NKAIN3: variants seen among roughly 807,000 people sequenced by gnomAD.
NKAIN3 encodes the protein sodium/potassium transporting ATPase interacting 3, also known as sodium/potassium-transporting ATPase subunit beta-1-interacting protein 3.
Under a neutral mutation model 30.2 loss-of-function variants are expected in NKAIN3, and 25 were observed. The ratio of observed to expected loss-of-function variants is 0.83; its 90% CI spans 0.60 to 1.16. The LOEUF (loss-of-function observed/expected upper bound fraction) is 1.16, where lower values mean the gene tolerates loss of function less well. NKAIN3 is among the 50% of genes most tolerant of loss of function. NKAIN3 has a pLI of 0.00. For synonymous variants in NKAIN3, 91 were observed against 89.6 expected (o/e 1.02, Z -0.09); for missense variants, 225 against 254.1 (o/e 0.89, Z 0.78).
At chr8:62,555,098 C>T (rs1374093527) in intron 1 of NKAIN3, among the ~76,000 whole-genome samples, 1 of 151,076 alleles carries the variant, frequency 6.6e-6, no homozygotes, top group Non-Finnish European at 1.5e-5. Context: ...TTTTGCTTGA[C>T]TGTAGTAATT....
intron 4 of NKAIN3, among the ~76,000 whole-genome samples, chr8:62,786,330 G>A (rs1389694780): frequency 1.3e-5 from 2 of 152,020 alleles, no homozygotes; most frequent in Non-Finnish European, 2.9e-5. Flanking sequence ...CCCATCTGGG[G>A]TAATATTTTT....
chr8:62,678,802 G>A (rs1196054197), intron 3 of NKAIN3, among the ~76,000 whole-genome samples: 1 of 151,518 alleles, frequency 6.6e-6, no homozygotes, highest in East Asian at 1.9e-4. Flanking sequence ...ATTAACCTAG[G>A]TATATAGATT....
At chr8:62,603,179 C>T (rs1419162933) in intron 3 of NKAIN3, among the ~76,000 whole-genome samples, 5 of 152,148 alleles carry the variant, frequency 3.3e-5, no homozygotes, top group East Asian at 1.9e-4. Flanking sequence ...TGATTTGCTT[C>T]GAATGCAAAA....
At chr8:62,293,254 G>T (rs777896569) in intron 1 of NKAIN3, among the ~76,000 whole-genome samples, 2 of 152,072 alleles carry the variant, frequency 1.3e-5, no homozygotes, top group Non-Finnish European at 2.9e-5. Flanking sequence ...GTCATTCTCC[G>T]TCCAGCTTTG....
At chr8:62,479,907 G>T (rs777128606) in intron 1 of NKAIN3, among the ~76,000 whole-genome samples, 2 of 152,164 alleles carry the variant, frequency 1.3e-5, no homozygotes, top group Non-Finnish European at 2.9e-5. Flanking sequence ...AAACAAGTGA[G>T]AAAGGTAAAA....
At position 62,469,442 on chromosome 8, in the gene NKAIN3, G is replaced by A. The variant is rs912169175; in HGVS notation, c.55-110097G>A. 5.3e-5 allele frequency among the ~76,000 whole-genome samples: 8 copies of A among 152,024 alleles called. No individual in the cohort carries two copies. In the East Asian group the frequency reaches 5.8e-4, roughly 11 times the overall value. On this transcript the variant is annotated intron_variant, in intron 1 of 6. Transcript: ENST00000623646. ...TGAACCAAGTTATCTGAATATGAAC[G>A]TGAGCTCTCTACTCTACTGCCCCAC... is the stretch of plus-strand genomic sequence containing the variant.
chr8:62,355,658 C>G (rs1005209512), intron 1 of NKAIN3, among the ~76,000 whole-genome samples: 1 of 152,042 alleles, frequency 6.6e-6, no homozygotes, highest in Non-Finnish European at 1.5e-5. Flanking sequence ...CTTTAATTAC[C>G]CATACATACT....
chr8:62,725,144 A>C (rs1330092959), intron 3 of NKAIN3, among the ~76,000 whole-genome samples: 1 of 152,058 alleles, frequency 6.6e-6, no homozygotes, highest in Non-Finnish European at 1.5e-5. Flanking sequence ...GATGTTGAGC[A>C]CCTCTTAATG....
At chr8:62,778,536 T>A (rs1332591696) in intron 4 of NKAIN3, among the ~76,000 whole-genome samples, 1 of 152,038 alleles carries the variant, frequency 6.6e-6, no homozygotes, top group Non-Finnish European at 1.5e-5. Flanking sequence ...CAATGTTCAC[T>A]CAAAACACAA....
chr8:62,893,276 T>G (rs1351054466), intron 4 of NKAIN3, among the ~76,000 whole-genome samples: 1 of 152,066 alleles, frequency 6.6e-6, no homozygotes, highest in Admixed American at 6.6e-5. Flanking sequence ...AAATAGGGTG[T>G]GAGGACTCCA....
At chr8:62,390,277 A>G (rs1817551993) in intron 1 of NKAIN3, among the ~76,000 whole-genome samples, 1 of 152,052 alleles carries the variant, frequency 6.6e-6, no homozygotes, top group Non-Finnish European at 1.5e-5. Flanking sequence ...GCTCCCATTT[A>G]TAAGTGAGAA....
At chr8:62,331,999 AG>A (rs1815374131) in intron 1 of NKAIN3, among the ~76,000 whole-genome samples, 4 of 152,146 alleles carry the variant, frequency 2.6e-5, no homozygotes. Context: ...CTGAATTCAA[AG>A]GGAACAATTA....
intron 1 of NKAIN3, among the ~76,000 whole-genome samples, chr8:62,296,482 T>C (rs981019667): frequency 1.3e-5 from 2 of 152,146 alleles, no homozygotes; most frequent in Non-Finnish European, 2.9e-5. Context: ...TGTTTGAAAA[T>C]CTTTGAACAC....
intron 1 of NKAIN3, among the ~76,000 whole-genome samples, chr8:62,474,510 G>A (rs1345592272): frequency 6.6e-6 from 1 of 152,074 alleles, no homozygotes; most frequent in Non-Finnish European, 1.5e-5. Flanking sequence ...AACGTACAAA[G>A]ACCACATGGT....
chr8:62,376,286 A>T (rs1247638920), intron 1 of NKAIN3, among the ~76,000 whole-genome samples: 1 of 152,228 alleles, frequency 6.6e-6, no homozygotes, highest in Non-Finnish European at 1.5e-5. Flanking sequence ...AATTTAAAAT[A>T]TAATACTCTC....
At chr8:62,340,370 C>G (rs1815702305) in intron 1 of NKAIN3, among the ~76,000 whole-genome samples, 1 of 151,810 alleles carries the variant, frequency 6.6e-6, no homozygotes, top group Non-Finnish European at 1.5e-5. Context: ...AGTGACATTT[C>G]TAGGTTTTAT....
intron 3 of NKAIN3, among the ~76,000 whole-genome samples, chr8:62,626,879 T>C (rs1299339864): frequency 1.3e-5 from 2 of 152,130 alleles, no homozygotes; most frequent in Non-Finnish European, 2.9e-5. Context: ...TGTTGCCAAA[T>C]TTAACAATTA....
intron 1 of NKAIN3, among the ~76,000 whole-genome samples, chr8:62,285,462 A>G (rs73683081): frequency 0.033 from 5,064 of 152,238 alleles, 313 homozygotes; most frequent in African/African-American, 0.12. Flanking sequence ...ACCAAAAGTC[A>G]GCTTGTGGCT....
In NKAIN3 at chr8:62,966,536, A is replaced by C. The variant is rs760049246; in HGVS notation, c.*1129A>C. 9 of 271,450 alleles carry C rather than the reference A, an allele frequency of 3.3e-5. No individual in the cohort carries two copies. Among genetic ancestry groups the C allele is most frequent in the Non-Finnish European group, 4.5e-5 (8 of 177,362 alleles). The allele number at this position is 271,450 out of a possible 1,614,324, so 16.8% of individuals were successfully genotyped here. A position where few individuals can be genotyped will look rare whatever the true frequency, so the allele number is the denominator to read the frequency against. ...CCATGTAACCAAGGCCTCAATCAAA[A>C]TGCAGAACATTTCCGTCACTTTAAA... On this transcript the variant is annotated 3_prime_UTR_variant, in exon 7 of 7. Coordinates refer to ENST00000623646, the MANE Select transcript of NKAIN3 (RefSeq NM_001304533.3).
Sources: gnomAD v4.1 joint callset for allele counts (sites outside exome capture counted in the v4.1 genomes callset) on GRCh38, gnomAD v4.1.1 for gene constraint, MANE v1.5 for transcripts, NCBI Gene and HGNC (gene_info 2026-07-23, HGNC 2026-07-21) for gene names.